The following RNF169 variants were observed in gnomAD, a reference collection of about 807,000 sequenced individuals.
RNF169 encodes the protein E3 ubiquitin-protein ligase RNF169.
A neutral mutation model predicts 53.9 loss-of-function variants in RNF169; 24 were observed. The observed-to-expected ratio is 0.45, with a 90% CI of 0.32 to 0.63. The LOEUF is 0.63. RNF169 is among the 20% of genes least tolerant of loss of function. The pLI is 0.04. For missense variants in RNF169, 883 were observed against 906.2 expected (o/e 0.97, Z 0.33); for synonymous variants, 396 against 363.5 (o/e 1.09, Z -1.02).
At chr11:74,807,557 T>G (rs148268523) in intron 2 of RNF169, among the ~76,000 whole-genome samples, 56 of 152,302 alleles carry the variant, frequency 3.7e-4, no homozygotes, top group African/African-American at 1.3e-3. Flanking sequence ...AGTCAATGAT[T>G]TGCTTTAAAA....
intron 4 of RNF169, among the ~76,000 whole-genome samples, chr11:74,821,452 A>G (rs111399456): frequency 1.4e-5 from 1 of 71,892 alleles, no homozygotes; most frequent in Non-Finnish European, 2.4e-5. Context: ...AGGTCAGGAG[A>G]TCGAGACCAT....
rs553618825 is a variant in RNF169, at chr11:74,836,845, G to C, written c.*115G>C. 6 of 767,220 alleles carry C rather than the reference G, an allele frequency of 7.8e-6. No homozygotes were observed. The highest frequency in any genetic ancestry group is 5.3e-5 in the African/African-American group (3 of 57,056). The allele number at this position is 767,220 out of a possible 1,614,324, so 47.5% of individuals were successfully genotyped here. On this transcript the variant is annotated 3_prime_UTR_variant, in exon 6 of 6. Coordinates refer to ENST00000299563, the MANE Select transcript of RNF169 (RefSeq NM_001098638.2). ...TAATGGCAAAACACTGTCTAATATG[G>C]TTCTGAGAGGTTCCAGGGCCTTTGT...
At chr11:74,764,146 A>G (rs960203091) in intron 1 of RNF169, among the ~76,000 whole-genome samples, 5 of 152,266 alleles carry the variant, frequency 3.3e-5, no homozygotes, top group South Asian at 4.1e-4. Context: ...GACTGAGAGC[A>G]TATATCTTTT....
chr11:74,823,738 G>GAA (rs35164191), intron 4 of RNF169, among the ~76,000 whole-genome samples: 193 of 105,720 alleles, frequency 1.8e-3, no homozygotes, highest in African/African-American at 6.2e-3. Context: ...CCCTGTCTCA[G>GAA]AAAAAAAAAA....
chr11:74,753,332 A>G (rs1331152360), intron 1 of RNF169, among the ~76,000 whole-genome samples: 1 of 152,216 alleles, frequency 6.6e-6, no homozygotes, highest in Non-Finnish European at 1.5e-5. Flanking sequence ...CCCAGAACAG[A>G]TAAGAGAGTA....
At chr11:74,762,906 G>T (rs897281094) in intron 1 of RNF169, among the ~76,000 whole-genome samples, 24 of 152,140 alleles carry the variant, frequency 1.6e-4, no homozygotes, top group African/African-American at 5.5e-4. Context: ...GGTTATTTCA[G>T]GTGTTCTCTT....
chr11:74,803,222 A>G lies in RNF169; in HGVS notation c.577-6962A>G, dbSNP rs546822478. Among the ~76,000 whole-genome samples the G allele has an allele frequency of 2.2e-3, 339 of 152,148 alleles. 2 individuals are homozygous for G. Among genetic ancestry groups the G allele is most frequent in the Non-Finnish European group, 3.8e-3 (257 of 67,990 alleles). On this transcript the variant is annotated intron_variant, in intron 2 of 5. Coordinates refer to ENST00000299563, the MANE Select transcript of RNF169 (RefSeq NM_001098638.2). Reference sequence around the variant, plus strand: ...TGCCTCAGCCTCCCTAGTAGCTGGAACTACAGGCGCCCACCACCACGCCTG... The same window carrying G: ...TGCCTCAGCCTCCCTAGTAGCTGGAGCTACAGGCGCCCACCACCACGCCTG...
At chr11:74,789,304 A>G (rs1711891631) in intron 1 of RNF169, among the ~76,000 whole-genome samples, 1 of 152,210 alleles carries the variant, frequency 6.6e-6, no homozygotes, top group South Asian at 2.1e-4. Context: ...CAACTGAAAA[A>G]GGACAAAAGG....
chr11:74,786,018 G>A (rs2035496432), intron 1 of RNF169, among the ~76,000 whole-genome samples: 2 of 146,656 alleles, frequency 1.4e-5, no homozygotes. Flanking sequence ...TCAGCTCACT[G>A]CAAGCTCTGC....
At chr11:74,818,416 AGT>A (rs1354269135) in intron 4 of RNF169, among the ~76,000 whole-genome samples, 1 of 151,962 alleles carries the variant, frequency 6.6e-6, no homozygotes, top group Non-Finnish European at 1.5e-5. Flanking sequence ...TTTTTTAGAC[AGT>A]GTCTCACTCT....
At chr11:74,825,754 A>G (rs2135139780) in intron 4 of RNF169, among the ~76,000 whole-genome samples, 1 of 152,352 alleles carries the variant, frequency 6.6e-6, no homozygotes, top group East Asian at 1.9e-4. Flanking sequence ...TCCTCAATAA[A>G]ATACTGGCAA....
At chr11:74,770,133 T>C (rs1433274982) in intron 1 of RNF169, among the ~76,000 whole-genome samples, 5 of 151,978 alleles carry the variant, frequency 3.3e-5, no homozygotes, top group Non-Finnish European at 5.9e-5. Context: ...AGGAAGGAAA[T>C]AGAGTGCATG....
At chr11:74,806,350 G>C (rs2035805502) in intron 2 of RNF169, among the ~76,000 whole-genome samples, 2 of 152,032 alleles carry the variant, frequency 1.3e-5, no homozygotes, top group Admixed American at 1.3e-4. Context: ...TGTCAGCAAG[G>C]GTGGGAGCAA....
At chr11:74,757,567 C>T (rs1329174080) in intron 1 of RNF169, among the ~76,000 whole-genome samples, 45 of 104,724 alleles carry the variant, frequency 4.3e-4, no homozygotes, top group South Asian at 1.4e-3. Context: ...CCTGAGGAAT[C>T]GCCACACTGA....
intron 2 of RNF169, among the ~76,000 whole-genome samples, chr11:74,793,591 G>T (rs2035608476): frequency 6.6e-6 from 1 of 152,184 alleles, no homozygotes; most frequent in African/African-American, 2.4e-5. Context: ...GACTACTGTA[G>T]AACAGTACTG....
Position 74,839,177 on chromosome 11 carries a change from G to A in RNF169, c.*2447G>A, listed in dbSNP as rs1431193165. 2.6e-5 allele frequency: 4 copies of A among 152,188 alleles called. No homozygotes were observed. The highest frequency in any genetic ancestry group is 7.2e-5 in the African/African-American group (3 of 41,438). 9.4% of individuals were successfully genotyped at this position (152,188 alleles called of 1,614,324 possible). On this transcript the variant is annotated 3_prime_UTR_variant, in exon 6 of 6. Coordinates refer to ENST00000299563, the MANE Select transcript of RNF169 (RefSeq NM_001098638.2). ...ACTGCCTTCCCCCCTTGTACCTACA[G>A]TGATGCCTAGGATGGTATTGACAGT...
intron 1 of RNF169, among the ~76,000 whole-genome samples, chr11:74,785,186 GATATATATATGAT>G (rs1192762608): frequency 0.01 from 663 of 63,674 alleles, 11 homozygotes; most frequent in East Asian, 0.078. Flanking sequence ...ATATATATAT[GATATATATATGAT>G]ATATATATAT....
At chr11:74,777,678 T>C (rs1231982943) in intron 1 of RNF169, among the ~76,000 whole-genome samples, 1 of 151,998 alleles carries the variant, frequency 6.6e-6, no homozygotes, top group African/African-American at 2.4e-5. Context: ...GACAGGGTCT[T>C]GCTCTTTTGC....
At chr11:74,773,311 A>G (rs531808934) in intron 1 of RNF169, among the ~76,000 whole-genome samples, 5 of 152,310 alleles carry the variant, frequency 3.3e-5, no homozygotes, top group African/African-American at 1.2e-4. Flanking sequence ...TCAATCTTTA[A>G]CACCAATCTG....
Sources: gnomAD v4.1 joint callset for allele counts (sites outside exome capture counted in the v4.1 genomes callset) on GRCh38, gnomAD v4.1.1 for gene constraint, MANE v1.5 for transcripts, NCBI Gene and HGNC (gene_info 2026-07-23, HGNC 2026-07-21) for gene names.